SEM1: variants seen among roughly 807,000 people sequenced by gnomAD.
SEM1 encodes SEM1 26S proteasome subunit.
A neutral mutation model predicts 12.7 loss-of-function variants in SEM1; 3 were observed. The observed-to-expected ratio is 0.24, with a 90% CI of 0.11 to 0.61. SEM1 has a LOEUF of 0.61. Ranked by LOEUF, SEM1 falls within the 20% of genes least tolerant of loss-of-function variation. SEM1 has a pLI of 0.88. For synonymous variants in SEM1, 30 were observed against 27.8 expected (o/e 1.08, Z -0.25); for missense variants, 59 against 81.3 (o/e 0.73, Z 1.06).
intron 2 of SEM1, among the ~76,000 whole-genome samples, chr7:96,577,382 A>G (rs1806241370): frequency 6.6e-6 from 1 of 152,178 alleles, no homozygotes; most frequent in South Asian, 2.1e-4. Flanking sequence ...AAACCTTGCA[A>G]AGTGACTCTT....
intron 2 of SEM1, among the ~76,000 whole-genome samples, chr7:96,606,866 C>T (rs1009751900): frequency 6.6e-6 from 1 of 152,186 alleles, no homozygotes; most frequent in Non-Finnish European, 1.5e-5. Context: ...TTTCTGCCTA[C>T]TCACATGTCC....
chr7:96,533,025 A>G lies in SEM1; in HGVS notation c.171-26327T>C, dbSNP rs138912084. Among the ~76,000 whole-genome samples the G allele has an allele frequency of 8.9e-3, 1,356 of 152,150 alleles. 8 individuals carry two copies. The highest frequency in any genetic ancestry group is 0.041 in the Middle Eastern group (12 of 294). On this transcript the variant is annotated intron_variant and NMD_transcript_variant, in intron 2 of 3. Coordinates refer to the SEM1 transcript ENST00000466986. Reference sequence around the variant, plus strand: ...CTCCTTAAACATCCAGAAATGCACAATATTTTCACTTGCCTTTAACTCACC... The same window carrying G: ...CTCCTTAAACATCCAGAAATGCACAGTATTTTCACTTGCCTTTAACTCACC...
exon 3 of SEM1, chr7:96,622,571 T>A (rs531937575): frequency 1.3e-6 from 1 of 763,682 alleles, no homozygotes; most frequent in African/African-American, 1.7e-5. Context: ...ATTAGCTGCA[T>A]GATCAATGTG....
rs73708325 is a variant in SEM1 at position 96,506,488 on chromosome 7, G to C, written c.*60+135C>G. ...ATGATCATTATATTCTAGACTTACT[G>C]TTAGAAAACTTCAAAATGTCACCTA... is the stretch of plus-strand genomic sequence containing the variant. On this transcript the variant is annotated intron_variant and NMD_transcript_variant, in intron 3 of 3. Coordinates refer to the SEM1 transcript ENST00000466986. 361 of 152,130 alleles carry C rather than the reference G, an allele frequency of 2.4e-3. 4 individuals are homozygous for C. Among genetic ancestry groups the C allele is most frequent in the African/African-American group, 8.0e-3 (334 of 41,546 alleles). The allele number at this position is 152,130 out of a possible 1,614,324, so 9.4% of individuals were successfully genotyped here.
Position 96,525,118 on chromosome 7 carries a change from C to T in SEM1, c.171-18420G>A, listed in dbSNP as rs567603952. ...CCTGGCCCTTCCTTTGCAAGTTTGT[C>T]TAAGGAAAACACATCTTCCTTAACC... On this transcript the variant is annotated intron_variant and NMD_transcript_variant, in intron 2 of 3. Coordinates refer to the SEM1 transcript ENST00000466986. Among the ~76,000 whole-genome samples the T allele has an allele frequency of 2.6e-5, 4 of 152,200 alleles. No individual in the cohort carries two copies. The East Asian group carries it at 5.8e-4, about 22-fold the overall frequency.
At chr7:96,593,005 A>T (rs974823411) in intron 2 of SEM1, among the ~76,000 whole-genome samples, 134 of 116,410 alleles carry the variant, frequency 1.2e-3, no homozygotes, top group Non-Finnish European at 2.2e-3. Context: ...ATATTAAAAA[A>T]AAAAAAAAAA....
At chr7:96,684,943 T>G (rs2115756866), downstream of SEM1, among the ~76,000 whole-genome samples, 1 of 151,990 alleles carries the variant, frequency 6.6e-6, no homozygotes, top group East Asian at 1.9e-4. Flanking sequence ...AAAGGCAGAG[T>G]GCAATAGGAG....
At position 96,512,274 on chromosome 7, in the gene SEM1, C is replaced by T. The variant is rs184475884; in HGVS notation, c.171-5576G>A. ...GCAGTCTAGGTGAGATGACAAAGGC[C>T]TCTTGATGAAGAGAAACATATATAA... On this transcript the variant is annotated intron_variant and NMD_transcript_variant, in intron 2 of 3. Coordinates refer to the SEM1 transcript ENST00000466986. Among the ~76,000 whole-genome samples, 1,060 of 152,128 alleles carry T rather than the reference C, an allele frequency of 7.0e-3. 4 individuals are homozygous for T. Among genetic ancestry groups the T allele is most frequent in the Non-Finnish European group, 0.011 (725 of 67,992 alleles).
chr7:96,623,894 T>C (rs1173031578), intron 2 of SEM1, among the ~76,000 whole-genome samples: 1 of 152,136 alleles, frequency 6.6e-6, no homozygotes, highest in Non-Finnish European at 1.5e-5. Context: ...CCAGCTTGTG[T>C]TAGCTCCTGG....
At chr7:96,680,522 G>A (rs1327404423) in intron 2 of SEM1, among the ~76,000 whole-genome samples, 1 of 152,058 alleles carries the variant, frequency 6.6e-6, no homozygotes, top group Non-Finnish European at 1.5e-5. Flanking sequence ...AATGTGTTGT[G>A]CACTACTGGA....
chr7:96,709,840 C>A lies in SEM1; in HGVS notation c.-77G>T. On this transcript the variant is annotated 5_prime_UTR_variant, in exon 1 of 3. Coordinates refer to ENST00000248566, the MANE Select transcript of SEM1 (RefSeq NM_006304.2). ...TCACTCTTCCTCAAGGAAACGCCAC[C>A]GTCACTACCGCCTCCGACGCTGACG... is the stretch of plus-strand genomic sequence containing the variant. 1 of 1,332,270 alleles carries A rather than the reference C, an allele frequency of 7.5e-7. No homozygotes were observed. The highest frequency in any genetic ancestry group is 1.2e-5 in the South Asian group (1 of 84,552). The allele number at this position is 1,332,270 out of a possible 1,614,324, so 82.5% of individuals were successfully genotyped here. A position where few individuals can be genotyped will look rare whatever the true frequency, so the allele number is the denominator to read the frequency against.
intron 2 of SEM1, among the ~76,000 whole-genome samples, chr7:96,637,527 C>A (rs2116372065): frequency 6.6e-6 from 1 of 152,094 alleles, no homozygotes; most frequent in Non-Finnish European, 1.5e-5. Flanking sequence ...GCTTATATTT[C>A]TCTTTAAACT....
chr7:96,613,873 A>T (rs1392946836), intron 2 of SEM1, among the ~76,000 whole-genome samples: 1 of 152,196 alleles, frequency 6.6e-6, no homozygotes, highest in Admixed American at 6.5e-5. Flanking sequence ...CAAATGACAG[A>T]CTTTCCTGCT....
intron 2 of SEM1, among the ~76,000 whole-genome samples, chr7:96,570,502 A>C (rs1252030997): frequency 6.6e-6 from 1 of 152,088 alleles, no homozygotes; most frequent in Non-Finnish European, 1.5e-5. Context: ...AGCTTCATTC[A>C]TGTCCCTGCA....
chr7:96,595,787 T>A (rs1485757633), intron 2 of SEM1, among the ~76,000 whole-genome samples: 1 of 152,204 alleles, frequency 6.6e-6, no homozygotes, highest in East Asian at 1.9e-4. Flanking sequence ...TAAAGAAGAC[T>A]TTCCCCCTAA....
intron 2 of SEM1, among the ~76,000 whole-genome samples, chr7:96,594,864 C>G (rs1806945699): frequency 6.6e-6 from 1 of 152,042 alleles, no homozygotes; most frequent in South Asian, 2.1e-4. Flanking sequence ...ATAGAAATTA[C>G]TGTGATACAG....
intron 2 of SEM1, among the ~76,000 whole-genome samples, chr7:96,608,193 G>A (rs1281765475): frequency 1.3e-5 from 2 of 152,176 alleles, no homozygotes; most frequent in Non-Finnish European, 2.9e-5. Context: ...AGGCAAGAAG[G>A]AAAGGACATG....
intron 2 of SEM1, among the ~76,000 whole-genome samples, chr7:96,578,550 A>G (rs564219096): frequency 5.9e-5 from 9 of 152,312 alleles, no homozygotes; most frequent in Non-Finnish European, 1.0e-4. Context: ...ATTTTCTTAA[A>G]AAACAAAAAA....
rs1790155632 is a variant in SEM1 at position 96,698,154 on chromosome 7, T to G, written c.77-3263A>C. On this transcript the variant is annotated intron_variant, in intron 1 of 2. Transcript: ENST00000248566. ...ATCATTCATAACTATTCTTACATTT[T>G]TTAAAAAGGAAATCCAAACCCAATT... 3.9e-5 allele frequency among the ~76,000 whole-genome samples: 6 copies of G among 152,230 alleles called. No homozygotes were observed. In the South Asian group the frequency reaches 1.2e-3, roughly 32 times the overall value.
Sources: gnomAD v4.1 joint callset for allele counts (sites outside exome capture counted in the v4.1 genomes callset) on GRCh38, gnomAD v4.1.1 for gene constraint, MANE v1.5 for transcripts, NCBI Gene and HGNC (gene_info 2026-07-23, HGNC 2026-07-21) for gene names.